The following PTPRQ variants were observed in gnomAD, a reference collection of about 807,000 sequenced individuals.
PTPRQ encodes the protein protein tyrosine phosphatase receptor type Q.
Under a neutral mutation model 246.0 loss-of-function variants are expected in PTPRQ, and 199 were observed. The observed-to-expected ratio is 0.81, with a 90% CI of 0.72 to 0.91. The LOEUF (loss-of-function observed/expected upper bound fraction) is 0.91, where lower values mean the gene tolerates loss of function less well. PTPRQ is among the 40% of genes least tolerant of loss of function. The pLI is 0.00. For synonymous variants in PTPRQ, 869 were observed against 853.2 expected, an observed-to-expected ratio of 1.02 and a Z score of -0.32; for missense variants, 2,624 against 2,528.4, an observed-to-expected ratio of 1.04 and a Z score of -0.81.
At chr12:80,444,874 T>C (rs551750005) in intron 2 of PTPRQ, 25 bp downstream of exon 2, 3 of 1,492,866 alleles carry the variant, frequency 2.0e-6, no homozygotes, top group African/African-American at 1.4e-5. Flanking sequence ...TAAATTACTT[T>C]GTAAGTAAAG....
intron 25 of PTPRQ, among the ~76,000 whole-genome samples, chr12:80,552,645 TTATATATATATATA>T (rs71094985): frequency 0.014 from 1,105 of 76,458 alleles, 80 homozygotes; most frequent in East Asian, 0.068. Context: ...AAAAAAAAAA[TTATATATATATATA>T]TATATATATA....
intron 25 of PTPRQ, among the ~76,000 whole-genome samples, chr12:80,557,831 C>T (rs1287672303): frequency 6.6e-6 from 1 of 152,058 alleles, no homozygotes; most frequent in Non-Finnish European, 1.5e-5. Context: ...CTCAAGTTGC[C>T]TTTGCATAGA....
intron 25 of PTPRQ, among the ~76,000 whole-genome samples, chr12:80,568,555 T>C (rs1480085606): frequency 6.6e-6 from 1 of 152,218 alleles, no homozygotes; most frequent in Non-Finnish European, 1.5e-5. Context: ...TGGCTGCATA[T>C]GTAAAGTTTC....
rs764186018 is a variant in PTPRQ at position 80,605,180 on chromosome 12, G to A, written c.4731G>A (p.Ser1577=). ...CATGTTATCTGATTGATGTCAAATC[G>A]GTAAGGCATGTCTTACCTTCTGTAA... ...GPTCYLIDVK[S]VDNDEFNISF... Residue 1577 remains serine (S), a splice_region_variant and synonymous_variant, in exon 27 of 45, where the codon TCG becomes TCA. Transcript: ENST00000644991. The A allele has an allele frequency of 1.0e-5, 16 of 1,538,806 alleles. No homozygotes were observed. The highest frequency in any genetic ancestry group is 4.0e-5 in the Admixed American group (2 of 49,750).
chr12:80,648,881 A>G lies in PTPRQ; in HGVS notation c.5916-16A>G, dbSNP rs1167873942. On this transcript the variant is annotated splice_polypyrimidine_tract_variant and intron_variant, in intron 35 of 44. Coordinates refer to ENST00000644991, the MANE Select transcript of PTPRQ (RefSeq NM_001145026.2). ...CACTCTGACTCACAATGCATTTAAC[A>G]CAATCTCTATTGCAGGTTACTTAGT... The G allele has an allele frequency of 6.5e-7, 1 of 1,529,356 alleles. No homozygotes were observed. The highest frequency in any genetic ancestry group is 2.1e-5 in the Admixed American group (1 of 47,210). The allele number at this position is 1,529,356 out of a possible 1,614,324, so 94.7% of individuals were successfully genotyped here. A position where few individuals can be genotyped will look rare whatever the true frequency, so the allele number is the denominator to read the frequency against.
chr12:80,670,284 T>G, intron 41 of PTPRQ, 60 bp from the exon 42 acceptor site: 1 of 1,538,598 alleles, frequency 6.5e-7, no homozygotes, highest in Non-Finnish European at 8.8e-7. Context: ...ACTATTGCCT[T>G]CAACCTTCAT....
At chr12:80,677,545 C>T (rs1187922030) in intron 43 of PTPRQ, among the ~76,000 whole-genome samples, 3 of 152,090 alleles carry the variant, frequency 2.0e-5, no homozygotes, top group East Asian at 1.9e-4. Flanking sequence ...ACTATGTGCC[C>T]GGCACTATTA....
chr12:80,649,707 C>T (rs1042769926), intron 37 of PTPRQ, 38 bp downstream of exon 37: 30 of 1,522,040 alleles, frequency 2.0e-5, no homozygotes, highest in Non-Finnish European at 2.6e-5. Flanking sequence ...TGCAAGACCT[C>T]CAGTCGTTTC....
chr12:80,642,876 C>T (rs1038786834), intron 35 of PTPRQ, among the ~76,000 whole-genome samples: 3 of 141,374 alleles, frequency 2.1e-5, no homozygotes, highest in African/African-American at 8.2e-5. Flanking sequence ...GCCGAGATCC[C>T]GCCACTGCAC....
intron 8 of PTPRQ, among the ~76,000 whole-genome samples, chr12:80,473,080 T>G (rs1592550959): frequency 7.1e-6 from 1 of 141,838 alleles, no homozygotes; most frequent in Non-Finnish European, 1.5e-5. Flanking sequence ...CACACACAGG[T>G]CATACATTCA....
In PTPRQ at chr12:80,505,969, G is replaced by T; in HGVS notation, c.2273-55G>T. ...GTGCACTTCAGTGACAATTTCAGCA[G>T]AATAGATTTTTAGAATGGAATTGTT... On this transcript the variant is annotated intron_variant, in intron 14 of 44. Coordinates refer to ENST00000644991, the MANE Select transcript of PTPRQ (RefSeq NM_001145026.2). 3.3e-6 allele frequency: 5 copies of T among 1,504,276 alleles called. No homozygotes were observed. The South Asian group carries it at 5.4e-5, about 16-fold the overall frequency. 93.2% of individuals were successfully genotyped at this position (1,504,276 alleles called of 1,614,324 possible).
chr12:80,512,249 C>T (rs553545106), intron 17 of PTPRQ, among the ~76,000 whole-genome samples: 2 of 152,240 alleles, frequency 1.3e-5, no homozygotes, highest in East Asian at 3.9e-4. Context: ...GATTTTCAGC[C>T]CTGCATTATG....
At chr12:80,549,806 A>G (rs1429217570) in intron 25 of PTPRQ, 72 bp downstream of exon 25, 3 of 1,460,844 alleles carry the variant, frequency 2.1e-6, no homozygotes, top group Non-Finnish European at 2.7e-6. Flanking sequence ...ACCACCTGCA[A>G]TCTTTATAGC....
chr12:80,454,449 T>C (rs1336715018), intron 3 of PTPRQ: 4 of 607,884 alleles, frequency 6.6e-6, no homozygotes, highest in Non-Finnish European at 1.2e-5. Flanking sequence ...CAGAAATGGA[T>C]GCCTTTTATT....
At chr12:80,487,687 C>T (rs1189463251) in intron 9 of PTPRQ, among the ~76,000 whole-genome samples, 1 of 152,098 alleles carries the variant, frequency 6.6e-6, no homozygotes, top group Non-Finnish European at 1.5e-5. Context: ...TCAGTTATTT[C>T]TACATCCAGA....
At chr12:80,544,744 C>G (rs1330015809) in intron 23 of PTPRQ, among the ~76,000 whole-genome samples, 1 of 152,030 alleles carries the variant, frequency 6.6e-6, no homozygotes, top group Non-Finnish European at 1.5e-5. Context: ...TCTCTTTCAT[C>G]TACCCTGATA....
At chr12:80,608,057 G>A (rs1230755668) in intron 27 of PTPRQ, among the ~76,000 whole-genome samples, 2 of 150,722 alleles carry the variant, frequency 1.3e-5, no homozygotes, top group East Asian at 2.0e-4. Context: ...AGATAAAGGA[G>A]ACTTCATAGA....
chr12:80,535,274 T>C (rs1895953647), intron 19 of PTPRQ, among the ~76,000 whole-genome samples: 1 of 152,078 alleles, frequency 6.6e-6, no homozygotes. Context: ...GCTTCACATG[T>C]ATTAAAAATA....
At chr12:80,524,706 T>A (rs1395133505) in intron 17 of PTPRQ, among the ~76,000 whole-genome samples, 1 of 151,736 alleles carries the variant, frequency 6.6e-6, no homozygotes, top group Admixed American at 6.6e-5. Context: ...TTCTTACATA[T>A]TTTTTTCTTT....
Sources: allele counts gnomAD v4.1 joint callset (sites outside exome capture counted in the v4.1 genomes callset), GRCh38; gene constraint gnomAD v4.1.1; transcripts MANE v1.5; gene names NCBI Gene and HGNC (gene_info 2026-07-23, HGNC 2026-07-21).